Variants in HECTD4 observed in about 807,000 individuals in gnomAD.
The protein encoded by HECTD4 is HECT domain E3 ubiquitin protein ligase 4, also known as probable E3 ubiquitin-protein ligase HECTD4.
Under a neutral mutation model 471.5 loss-of-function variants are expected in HECTD4, and 114 were observed. That is an observed-to-expected ratio of 0.24 (90% CI 0.21 to 0.28). The LOEUF is 0.28. Ranked by LOEUF, HECTD4 falls within the 10% of genes least tolerant of loss-of-function variation. HECTD4 has a pLI of 1.00. For missense variants in HECTD4, 3,866 were observed against 5,651.5 expected, an observed-to-expected ratio of 0.68 and a Z score of 10.13; for synonymous variants, 2,012 against 2,256.0, an observed-to-expected ratio of 0.89 and a Z score of 3.07.
chr12:112,349,161 G>A (rs1282396731), intron 1 of HECTD4, among the ~76,000 whole-genome samples: 2 of 152,076 alleles, frequency 1.3e-5, no homozygotes, highest in Non-Finnish European at 2.9e-5. Flanking sequence ...AGGCCAAGGC[G>A]GGTGGATCAT....
At chr12:112,369,415 C>A (rs547549393) in intron 1 of HECTD4, among the ~76,000 whole-genome samples, 1 of 149,118 alleles carries the variant, frequency 6.7e-6, no homozygotes, top group East Asian at 2.0e-4. Context: ...GATCTTGGCT[C>A]ACTACAACCT....
At chr12:112,315,259 C>T (rs1033813498) in intron 2 of HECTD4, among the ~76,000 whole-genome samples, 1 of 152,194 alleles carries the variant, frequency 6.6e-6, no homozygotes, top group Non-Finnish European at 1.5e-5. Flanking sequence ...TAAATGATCG[C>T]CTGTATCTGA....
chr12:112,280,218 C>T (rs991624929), intron 8 of HECTD4, among the ~76,000 whole-genome samples: 9 of 152,026 alleles, frequency 5.9e-5, no homozygotes, highest in African/African-American at 1.9e-4. Flanking sequence ...TATTATAACC[C>T]CTTATATACA....
rs1437212459 is a variant in HECTD4 at position 112,194,638 on chromosome 12, A to T, written c.8749+247T>A. Among the ~76,000 whole-genome samples the T allele has an allele frequency of 1.3e-5, 2 of 152,258 alleles. No homozygotes were observed. The highest frequency in any genetic ancestry group is 4.8e-5 in the African/African-American group (2 of 41,466). ...CATAAGTAATACTTAATTTTCCTTG[A>T]TCCACAATTACGTTGGGAAACTTGA... On this transcript the variant is annotated intron_variant, in intron 56 of 75. Coordinates refer to ENST00000682272, the MANE Select transcript of HECTD4 (RefSeq NM_001388303.1). This position sits in a 1 kb window ranked among gnomAD's most constrained non-coding sequence, Gnocchi z 4.6.
chr12:112,377,841 G>C (rs189232528), intron 1 of HECTD4, among the ~76,000 whole-genome samples: 64 of 152,194 alleles, frequency 4.2e-4, no homozygotes, highest in Middle Eastern at 3.4e-3. Flanking sequence ...CTGCACTCCA[G>C]CCTGGGTAAC....
chr12:112,173,977 TTTC>T lies in HECTD4; in HGVS notation c.11595-1119_11595-1117del, dbSNP rs1190068648. The stretch of plus-strand genomic sequence containing the variant: ...TGTTTTGGTAGCCATTTTCTTTCCT[TTTC>T]TTTTTTTTTTTTTTGAGTTGGAGTT... On this transcript the variant is annotated intron_variant, in intron 66 of 75. Coordinates refer to ENST00000682272, the MANE Select transcript of HECTD4 (RefSeq NM_001388303.1). The surrounding 1 kb of genome is among the most constrained non-coding windows in gnomAD (Gnocchi z 4.3). Among the ~76,000 whole-genome samples the T allele has an allele frequency of 6.6e-6, 1 of 151,936 alleles. No individual in the cohort carries two copies. The highest frequency in any genetic ancestry group is 2.4e-5 in the African/African-American group (1 of 41,352).
At chr12:112,214,019 C>T (rs548410029) in intron 48 of HECTD4, among the ~76,000 whole-genome samples, 156 of 150,994 alleles carry the variant, frequency 1.0e-3, no homozygotes, top group African/African-American at 3.7e-3. Flanking sequence ...GAGACCCAGT[C>T]TCAAAAAAAA....
At chr12:112,255,480 T>C (rs895804748) in intron 21 of HECTD4, among the ~76,000 whole-genome samples, 2 of 152,184 alleles carry the variant, frequency 1.3e-5, no homozygotes, top group South Asian at 2.1e-4. Flanking sequence ...TCTCATAGTA[T>C]ATACAGTTAA....
chr12:112,333,555 T>C (rs2035884204), intron 1 of HECTD4, among the ~76,000 whole-genome samples: 2 of 152,174 alleles, frequency 1.3e-5, no homozygotes, highest in Non-Finnish European at 2.9e-5. Flanking sequence ...CAGATTAGTA[T>C]GGACAATAGA....
intron 58 of HECTD4, 54 bp from the exon 59 acceptor site, chr12:112,192,819 G>T: frequency 7.0e-7 from 1 of 1,434,306 alleles, no homozygotes; most frequent in Non-Finnish European, 9.5e-7. Flanking sequence ...TGCACATGGG[G>T]ACAGGCAGCT....
chr12:112,189,068 C>T (rs189744513), intron 60 of HECTD4, among the ~76,000 whole-genome samples: 5 of 152,258 alleles, frequency 3.3e-5, no homozygotes, highest in Non-Finnish European at 5.9e-5. Context: ...AAGGGTCTGG[C>T]TATGTTGCTC....
intron 40 of HECTD4, 34 bp downstream of exon 40, chr12:112,230,653 T>C: frequency 6.4e-7 from 1 of 1,574,394 alleles, no homozygotes; most frequent in Non-Finnish European, 8.6e-7. Flanking sequence ...GCTTACTTCT[T>C]ATTTTCTCAG....
At chr12:112,256,626 T>A in intron 20 of HECTD4, 108 bp from the exon 21 acceptor site, 2 of 617,092 alleles carry the variant, frequency 3.2e-6, no homozygotes, top group Non-Finnish European at 4.9e-6. Flanking sequence ...ATGATAACAC[T>A]GAGGCTTTTA....
In HECTD4 at chr12:112,252,453, A is replaced by G. The variant is rs1218039434; in HGVS notation, c.3523T>C (p.Trp1175Arg). 6.2e-7 allele frequency: 1 copy of G among 1,611,056 alleles called. No individual in the cohort carries two copies. The part of the protein sequence containing the change: ...REHNTPDKAM[W>R]GFACTVRAQE... ...GCGCGAACTGTGCAAGCAAAGCCCC[A>G]CATGGCTTTATCAGGAGTGTTGTGT... is the stretch of plus-strand genomic sequence containing the variant. The change falls in exon 23 of 76, where the codon TGG becomes CGG. Residue 1175 changes from tryptophan to arginine, a missense_variant. Physicochemically the swap from Trp to Arg is moderately radical, Grantham distance 101. This residue lies in a region of HECTD4 where 281 missense variants were observed against 499.9 expected (regional missense o/e 0.56). Coordinates refer to ENST00000682272, the MANE Select transcript of HECTD4 (RefSeq NM_001388303.1).
At chr12:112,347,587 G>A (rs1191628899) in intron 1 of HECTD4, among the ~76,000 whole-genome samples, 1 of 152,022 alleles carries the variant, frequency 6.6e-6, no homozygotes, top group Non-Finnish European at 1.5e-5. Context: ...ACAAAGCCAG[G>A]GAAACTTAAG....
At chr12:112,268,656 T>C (rs1022571586) in intron 13 of HECTD4, among the ~76,000 whole-genome samples, 1 of 151,690 alleles carries the variant, frequency 6.6e-6, no homozygotes. Context: ...CTTGAGAGGC[T>C]GAGGCAGGAG....
At chr12:112,313,518 C>T (rs1005409327) in intron 3 of HECTD4, among the ~76,000 whole-genome samples, 8 of 135,012 alleles carry the variant, frequency 5.9e-5, no homozygotes, top group Non-Finnish European at 9.2e-5. Flanking sequence ...GACAGAGTCT[C>T]GCTCTGTCAC....
chr12:112,188,221 G>A lies in HECTD4; in HGVS notation c.9472+2565C>T, dbSNP rs1218566647. On this transcript the variant is annotated intron_variant, in intron 60 of 75. Coordinates refer to ENST00000682272, the MANE Select transcript of HECTD4 (RefSeq NM_001388303.1). The surrounding 1 kb of genome is among the most constrained non-coding windows in gnomAD (Gnocchi z 4.2). Reference sequence around the variant, plus strand: ...GGAGAATCACTTGAACCCAGGAGGTGGAAGTTGCAGTGAGCTGAGATCGCA... The same window carrying A: ...GGAGAATCACTTGAACCCAGGAGGTAGAAGTTGCAGTGAGCTGAGATCGCA... 2.0e-5 allele frequency among the ~76,000 whole-genome samples: 3 copies of A among 152,186 alleles called. No homozygotes were observed. Among genetic ancestry groups the A allele is most frequent in the Non-Finnish European group, 4.4e-5 (3 of 68,034 alleles).
intron 7 of HECTD4, among the ~76,000 whole-genome samples, chr12:112,284,689 A>G (rs975297860): frequency 1.3e-5 from 2 of 152,182 alleles, no homozygotes; most frequent in Non-Finnish European, 2.9e-5. Flanking sequence ...ATGAGTCGGC[A>G]ATCTCAATGG....
Sources: allele counts gnomAD v4.1 joint callset (sites outside exome capture counted in the v4.1 genomes callset), GRCh38; gene constraint gnomAD v4.1.1; regional missense constraint gnomAD v4.1.1; non-coding constraint Gnocchi (gnomAD v3.1); transcripts MANE v1.5; gene names NCBI Gene and HGNC (gene_info 2026-07-23, HGNC 2026-07-21).